Variants in COL4A5 observed in about 807,000 individuals in gnomAD.
COL4A5 encodes the protein collagen type IV alpha 5 chain.
In COL4A5, 26 loss-of-function variants were observed where a neutral mutation model predicts 130.2. The ratio of observed to expected loss-of-function variants is 0.20; its 90% CI spans 0.15 to 0.28. The LOEUF is 0.28. Among genes scored for constraint, COL4A5 ranks in the 10% least tolerant of loss-of-function variants. The probability of loss-of-function intolerance (pLI) is 1.00; values close to 1 mark genes in which losing one functional copy is unlikely to be tolerated. For synonymous variants in COL4A5, 496 were observed against 439.6 expected (o/e 1.13, Z -1.60); for missense variants, 1,131 against 1,344.3 (o/e 0.84, Z 2.48).
intron 1 of COL4A5, among the ~76,000 whole-genome samples, chrX:108,478,548 T>C (rs1445406928): frequency 4.5e-5 from 5 of 111,599 alleles, no homozygotes; most frequent in Admixed American, 9.5e-5. Context: ...CTGCAATGTA[T>C]TGTCACCTAG....
chrX:108,636,147 A>T (rs977843053), intron 36 of COL4A5, among the ~76,000 whole-genome samples: 3 of 111,847 alleles, frequency 2.7e-5, no homozygotes, highest in Non-Finnish European at 5.6e-5. Flanking sequence ...AAATCAAATC[A>T]TGCTGGGAAA....
chrX:108,471,633 T>A (rs2147508683), intron 1 of COL4A5, among the ~76,000 whole-genome samples: 1 of 111,626 alleles, frequency 9.0e-6, no homozygotes, highest in East Asian at 2.8e-4. Context: ...TTTTATTTGT[T>A]TGTGCTGCCT....
At chrX:108,660,277 A>G (rs2067928476) in intron 37 of COL4A5, among the ~76,000 whole-genome samples, 1 of 111,663 alleles carries the variant, frequency 9.0e-6, no homozygotes, top group Non-Finnish European at 1.9e-5. Flanking sequence ...CTTCTAAATA[A>G]TTTAGCATGA....
Position 108,694,804 on chromosome X carries a change from C to T in COL4A5, c.4707-3C>T. 1 of 1,188,161 alleles carries T rather than the reference C, an allele frequency of 8.4e-7. No individual in the cohort carries two copies. The highest frequency in any genetic ancestry group is 1.1e-6 in the Non-Finnish European group (1 of 874,191). ...TATGTTCCTTCTCCTTTTCCTTTAC[C>T]AGATGTGCAGTATGTGAAGCTCCAG... On this transcript the variant is annotated splice_region_variant and splice_polypyrimidine_tract_variant and intron_variant, in intron 50 of 52. Coordinates refer to ENST00000328300, the MANE Select transcript of COL4A5 (RefSeq NM_033380.3).
chrX:108,621,666 C>A, intron 31 of COL4A5, 137 bp from the exon 32 acceptor site: 2 of 509,910 alleles, frequency 3.9e-6, no homozygotes, highest in South Asian at 2.7e-5. Context: ...GTAGTGGGCA[C>A]TATGGTCAAA....
chrX:108,601,257 T>C (rs1000825259), intron 25 of COL4A5, 136 bp from the exon 26 acceptor site: 7 of 482,606 alleles, frequency 1.5e-5, no homozygotes, highest in Admixed American at 3.4e-5. Flanking sequence ...TAGTGGAAGA[T>C]TGTTTTTCTT....
At chrX:108,523,457 T>C (rs1465286782) in intron 1 of COL4A5, among the ~76,000 whole-genome samples, 1 of 112,402 alleles carries the variant, frequency 8.9e-6, no homozygotes, top group Non-Finnish European at 1.9e-5. Flanking sequence ...TACACGTCTG[T>C]CCTTTTGCCA....
chrX:108,648,807 A>C lies in COL4A5; in HGVS notation c.3247-6524A>C, dbSNP rs1290880251. Among the ~76,000 whole-genome samples, 3 of 111,772 alleles carry C rather than the reference A, an allele frequency of 2.7e-5. No homozygotes were observed. The Admixed American group carries it at 2.8e-4, about 11-fold the overall frequency. On this transcript the variant is annotated intron_variant, in intron 36 of 52. Transcript: ENST00000328300. ...TAGTACTGAATGGGGAAAAGTTGAA[A>C]GCTTTCCCTCTGAGAACTGGAACAA...
rs183098551 is a variant in COL4A5, at chrX:108,493,362, A to G, written c.82-46384A>G. ...GTAGAATAAGTTCAAAGGAAAAATG[A>G]ATGATGTCAAAGAGAAAAGTAATAA... On this transcript the variant is annotated intron_variant, in intron 1 of 52. Transcript: ENST00000328300. 6.4e-3 allele frequency among the ~76,000 whole-genome samples: 714 copies of G among 111,665 alleles called. 3 individuals are homozygous for G. Among genetic ancestry groups the G allele is most frequent in the Admixed American group, 0.016 (164 of 10,516 alleles).
chrX:108,531,503 A>G (rs1262214507), intron 1 of COL4A5, among the ~76,000 whole-genome samples: 2 of 110,558 alleles, frequency 1.8e-5, no homozygotes, highest in African/African-American at 6.5e-5. Flanking sequence ...TTAAAAACGT[A>G]GAAAAATAAA....
chrX:108,621,319 A>G (rs1259197376), intron 31 of COL4A5, among the ~76,000 whole-genome samples: 1 of 106,974 alleles, frequency 9.3e-6, no homozygotes, highest in African/African-American at 3.4e-5. Context: ...CACCACACAC[A>G]GCTATTTTTT....
intron 52 of COL4A5, chrX:108,696,092 A>T (rs1041269349): frequency 4.9e-6 from 2 of 410,503 alleles, no homozygotes; most frequent in Admixed American, 4.2e-5. Context: ...AGTGGTGGGG[A>T]GAATCGTTAC....
intron 1 of COL4A5, among the ~76,000 whole-genome samples, chrX:108,537,574 A>G (rs1314334513): frequency 8.9e-6 from 1 of 111,784 alleles, no homozygotes; most frequent in East Asian, 2.8e-4. Flanking sequence ...GTTCATATCA[A>G]TGAAATCCTG....
intron 2 of COL4A5, among the ~76,000 whole-genome samples, chrX:108,558,499 C>T (rs777012319): frequency 3.6e-5 from 4 of 111,348 alleles, no homozygotes; most frequent in African/African-American, 1.3e-4. Context: ...GCGGTTAGAA[C>T]TGAGACCTGA....
At chrX:108,627,026 T>A (rs2067165982) in intron 36 of COL4A5, 4 of 721,782 alleles carry the variant, frequency 5.5e-6, no homozygotes, top group Non-Finnish European at 6.6e-6. Flanking sequence ...CCCAGTGATA[T>A]AAGAATTTAT....
chrX:108,527,670 A>G (rs1446963779), intron 1 of COL4A5, among the ~76,000 whole-genome samples: 3 of 111,074 alleles, frequency 2.7e-5, no homozygotes, highest in African/African-American at 9.8e-5. Context: ...TGGTGCTTGC[A>G]CTCACCATTG....
chrX:108,632,926 G>A (rs754489654), intron 36 of COL4A5, among the ~76,000 whole-genome samples: 182 of 111,661 alleles, frequency 1.6e-3, no homozygotes, highest in African/African-American at 5.3e-3. Flanking sequence ...GCACAAGACA[G>A]GAATGCCCTC....
chrX:108,531,771 C>T (rs1273598250), intron 1 of COL4A5, among the ~76,000 whole-genome samples: 1 of 111,266 alleles, frequency 9.0e-6, no homozygotes, highest in Non-Finnish European at 1.9e-5. Flanking sequence ...ATTGATATCA[C>T]AAAAATACAC....
intron 2 of COL4A5, among the ~76,000 whole-genome samples, chrX:108,549,760 A>G (rs1472264301): frequency 9.0e-6 from 1 of 111,629 alleles, no homozygotes; most frequent in Non-Finnish European, 1.9e-5. Flanking sequence ...CAAAAAAAAT[A>G]GAAAACACAG....
Sources: allele counts gnomAD v4.1 joint callset (sites outside exome capture counted in the v4.1 genomes callset), GRCh38; gene constraint gnomAD v4.1.1; transcripts MANE v1.5; gene names NCBI Gene and HGNC (gene_info 2026-07-23, HGNC 2026-07-21).